CNTN3: variants seen among roughly 807,000 people sequenced by gnomAD.
CNTN3 encodes the protein contactin 3.
Under a neutral mutation model 119.1 loss-of-function variants are expected in CNTN3, and 60 were observed. That is an observed-to-expected ratio of 0.50 (90% CI 0.41 to 0.62). The LOEUF (loss-of-function observed/expected upper bound fraction) is 0.62, where lower values mean the gene tolerates loss of function less well. Among genes scored for constraint, CNTN3 ranks in the 20% least tolerant of loss-of-function variants. The pLI is 0.00. For synonymous variants in CNTN3, 450 were observed against 438.7 expected (o/e 1.03, Z -0.32); for missense variants, 1,101 against 1,242.4 (o/e 0.89, Z 1.71).
Position 74,325,889 on chromosome 3 carries a change from C to G in CNTN3, c.1668+8846G>C, listed in dbSNP as rs545020075. The stretch of plus-strand genomic sequence containing the variant: ...TACTAATTTCCTATCTGAGCTAATA[C>G]CCCCAGAATATTCTCTGGAAATTAA... On this transcript the variant is annotated intron_variant, in intron 13 of 22. Transcript: ENST00000263665. Among the ~76,000 whole-genome samples the G allele has an allele frequency of 7.2e-5, 11 of 152,192 alleles. No homozygotes were observed. The East Asian group carries it at 2.1e-3, about 29-fold the overall frequency.
Position 74,449,658 on chromosome 3 carries a change from C to T in CNTN3, c.359-24718G>A, listed in dbSNP as rs192639597. Among the ~76,000 whole-genome samples, 92 of 152,166 alleles carry T rather than the reference C, an allele frequency of 6.0e-4. 1 individual carries two copies. Among genetic ancestry groups the T allele is most frequent in the Admixed American group, 2.6e-3 (39 of 15,226 alleles). On this transcript the variant is annotated intron_variant, in intron 4 of 22. Coordinates refer to ENST00000263665, the MANE Select transcript of CNTN3 (RefSeq NM_020872.3). ...AGAAAGCGGTAATTTATATATTATGCAAGAAAACCTTCTGATGCACCTCAG... is the reference window on the plus strand; with the variant it reads ...AGAAAGCGGTAATTTATATATTATGTAAGAAAACCTTCTGATGCACCTCAG...
At chr3:74,352,636 C>T (rs556673182) in intron 11 of CNTN3, among the ~76,000 whole-genome samples, 17 of 152,162 alleles carry the variant, frequency 1.1e-4, no homozygotes, top group South Asian at 1.0e-3. Flanking sequence ...TTCCCAGAGC[C>T]GGACATAATA....
intron 3 of CNTN3, among the ~76,000 whole-genome samples, chr3:74,496,776 G>A (rs138904240): frequency 1.2e-3 from 185 of 152,118 alleles, no homozygotes; most frequent in African/African-American, 4.3e-3. Flanking sequence ...TAGGCTTTGG[G>A]GCTCAGGCAG....
chr3:74,447,857 C>T (rs1283672085), intron 4 of CNTN3, among the ~76,000 whole-genome samples: 4 of 152,124 alleles, frequency 2.6e-5, no homozygotes, highest in African/African-American at 7.2e-5. Context: ...AAACATGAAC[C>T]ATTTTTAAAT....
chr3:74,302,703 G>T lies in CNTN3; in HGVS notation c.1773C>A (p.Asp591Glu), dbSNP rs752540898. The part of the protein sequence containing the change: ...TGVDSVSSAA[D>E]LIVRGSPGPP... ...TAAATGTTTTACCTCTTACTATGAGGTCAGCAGCAGATGAAACACTGTCCA... is the reference window on the plus strand; with the variant it reads ...TAAATGTTTTACCTCTTACTATGAGTTCAGCAGCAGATGAAACACTGTCCA... Residue 591 changes from aspartate (D) to glutamate (E), a missense_variant, in exon 14 of 23, where the codon GAC becomes GAA. Transcript: ENST00000263665. 1 of 1,608,292 alleles carries T rather than the reference G, an allele frequency of 6.2e-7. No homozygotes were observed. The highest frequency in any genetic ancestry group is 1.3e-5 in the African/African-American group (1 of 74,876).
chr3:74,365,389 T>C (rs556024673), intron 9 of CNTN3, among the ~76,000 whole-genome samples, 177 bp downstream of exon 9: 6 of 152,258 alleles, frequency 3.9e-5, no homozygotes, highest in Non-Finnish European at 7.4e-5. Context: ...ACTGGCAGAC[T>C]GGGTACTTGA....
At chr3:74,279,135 C>T (rs1701941883) in intron 20 of CNTN3, among the ~76,000 whole-genome samples, 1 of 152,096 alleles carries the variant, frequency 6.6e-6, no homozygotes, top group South Asian at 2.1e-4. Flanking sequence ...ATGCGGTGAT[C>T]AGGGAACACT....
chr3:74,608,899 T>C (rs1559677741), intron 1 of CNTN3, among the ~76,000 whole-genome samples: 1 of 152,158 alleles, frequency 6.6e-6, no homozygotes, highest in East Asian at 1.9e-4. Context: ...TGGTCGATTG[T>C]AGATAGCATA....
intron 4 of CNTN3, among the ~76,000 whole-genome samples, chr3:74,433,349 CA>C: frequency 6.6e-6 from 1 of 152,142 alleles, no homozygotes; most frequent in South Asian, 2.1e-4. Flanking sequence ...TACAGGGCAT[CA>C]AAAAATGTCT....
At chr3:74,561,689 T>C (rs767780050) in intron 1 of CNTN3, among the ~76,000 whole-genome samples, 4 of 152,148 alleles carry the variant, frequency 2.6e-5, no homozygotes, top group Non-Finnish European at 5.9e-5. Context: ...TTTATGATGT[T>C]CATTTATTTC....
intron 5 of CNTN3, among the ~76,000 whole-genome samples, chr3:74,416,555 G>A (rs1701525662): frequency 6.6e-6 from 1 of 152,132 alleles, no homozygotes; most frequent in South Asian, 2.1e-4. Flanking sequence ...TAGCAGGGTG[G>A]TGCTTAAAAA....
intron 2 of CNTN3, among the ~76,000 whole-genome samples, chr3:74,500,524 C>G (rs1703149669): frequency 1.5e-5 from 2 of 136,230 alleles, no homozygotes; most frequent in African/African-American, 5.4e-5. Context: ...AAAAAAAAAG[C>G]TCTTTACTTT....
intron 4 of CNTN3, among the ~76,000 whole-genome samples, chr3:74,426,423 A>G (rs762993553): frequency 1.2e-4 from 18 of 152,196 alleles, no homozygotes; most frequent in Non-Finnish European, 2.4e-4. Context: ...TCTTTGAAAA[A>G]TATAAAAAGC....
intron 1 of CNTN3, among the ~76,000 whole-genome samples, chr3:74,544,677 C>T (rs893194929): frequency 1.4e-4 from 21 of 152,274 alleles, no homozygotes; most frequent in African/African-American, 4.8e-4. Flanking sequence ...CAGCTCAAGG[C>T]AACCTCCACC....
At chr3:74,470,886 T>C (rs1037627161) in intron 4 of CNTN3, among the ~76,000 whole-genome samples, 1 of 152,036 alleles carries the variant, frequency 6.6e-6, no homozygotes, top group Admixed American at 6.6e-5. Flanking sequence ...GTTGTTGTTG[T>C]TGTTGTCTGA....
chr3:74,555,162 T>G (rs1274423187), intron 1 of CNTN3, among the ~76,000 whole-genome samples: 5 of 152,226 alleles, frequency 3.3e-5, no homozygotes, highest in African/African-American at 1.2e-4. Flanking sequence ...CTGCATCTAT[T>G]GAGGTAATCA....
chr3:74,301,356 C>T (rs1702449934), intron 16 of CNTN3, 42 bp downstream of exon 16: 2 of 1,589,298 alleles, frequency 1.3e-6, no homozygotes, highest in Non-Finnish European at 8.6e-7. Context: ...TGGAAGTACA[C>T]AGAAATCTAT....
intron 4 of CNTN3, among the ~76,000 whole-genome samples, chr3:74,448,019 C>T (rs992216956): frequency 2.6e-5 from 4 of 152,132 alleles, no homozygotes. Flanking sequence ...AGACACTCAG[C>T]TGCGAACACC....
At chr3:74,569,148 C>A (rs1248711544) in intron 1 of CNTN3, among the ~76,000 whole-genome samples, 1 of 152,180 alleles carries the variant, frequency 6.6e-6, no homozygotes, top group African/African-American at 2.4e-5. Context: ...GCCTAGCTCC[C>A]ATTTTCTGTC....
Sources: gnomAD v4.1 joint callset for allele counts (sites outside exome capture counted in the v4.1 genomes callset) on GRCh38, gnomAD v4.1.1 for gene constraint, MANE v1.5 for transcripts, NCBI Gene and HGNC (gene_info 2026-07-23, HGNC 2026-07-21) for gene names.